Variants in GLCCI1 observed in about 807,000 individuals in gnomAD.
GLCCI1 encodes glucocorticoid-induced transcript 1 protein.
In GLCCI1, 24 loss-of-function variants were observed where a neutral mutation model predicts 52.2. The ratio of observed to expected loss-of-function variants is 0.46; its 90% CI spans 0.33 to 0.65. GLCCI1 has a LOEUF of 0.65. Among genes scored for constraint, GLCCI1 ranks in the 30% least tolerant of loss-of-function variants. GLCCI1 has a pLI of 0.02. For missense variants in GLCCI1, 704 were observed against 701.5 expected (o/e 1.00, Z -0.04); for synonymous variants, 310 against 276.5 (o/e 1.12, Z -1.20).
intron 3 of GLCCI1, among the ~76,000 whole-genome samples, chr7:8,039,109 T>A (rs1192549532): frequency 6.6e-6 from 1 of 151,846 alleles, no homozygotes; most frequent in Non-Finnish European, 1.5e-5. Flanking sequence ...CAAAAAAAAA[T>A]AGTTGTTGGT....
chr7:8,010,499 G>A (rs922747966), intron 2 of GLCCI1, among the ~76,000 whole-genome samples: 3 of 152,102 alleles, frequency 2.0e-5, no homozygotes, highest in African/African-American at 7.2e-5. Context: ...CTCAGTTCTT[G>A]CAGGGATGCT....
At chr7:8,069,544 G>A (rs550009101) in intron 5 of GLCCI1, among the ~76,000 whole-genome samples, 1 of 152,222 alleles carries the variant, frequency 6.6e-6, no homozygotes, top group South Asian at 2.1e-4. Context: ...TGAGCCGGGA[G>A]CCCCACCGGG....
rs1459608177 is a variant in GLCCI1, at chr7:8,088,667, A to G, written c.*2129A>G. On this transcript the variant is annotated 3_prime_UTR_variant, in exon 8 of 8. Transcript: ENST00000223145. The stretch of plus-strand genomic sequence containing the variant: ...ATAAAATGCAATAGTATCAATATCA[A>G]TTTCAGAAAAATGGACTGAATATGC... 6.6e-6 allele frequency: 1 copy of G among 152,646 alleles called. No homozygotes were observed. The highest frequency in any genetic ancestry group is 2.4e-5 in the African/African-American group (1 of 41,448). 9.5% of individuals were successfully genotyped at this position (152,646 alleles called of 1,614,324 possible).
At chr7:8,019,939 T>C (rs575841018) in intron 2 of GLCCI1, among the ~76,000 whole-genome samples, 2 of 152,330 alleles carry the variant, frequency 1.3e-5, no homozygotes, top group East Asian at 3.9e-4. Context: ...CGTAAACTAC[T>C]GTAGACTTTC....
chr7:8,083,379 T>C (rs1783038167), intron 6 of GLCCI1, among the ~76,000 whole-genome samples: 1 of 136,312 alleles, frequency 7.3e-6, no homozygotes. Flanking sequence ...TTTGGTTTTT[T>C]GTTTGTTTGT....
At chr7:8,072,889 T>C (rs1782794277) in intron 6 of GLCCI1, among the ~76,000 whole-genome samples, 2 of 152,130 alleles carry the variant, frequency 1.3e-5, no homozygotes. Flanking sequence ...ATTGAGAGGA[T>C]GGTAAATGAG....
rs73049292 is a variant in GLCCI1, at chr7:7,996,041, C to T, written c.458-7867C>T. Among the ~76,000 whole-genome samples the T allele has an allele frequency of 7.1e-3, 1,082 of 152,272 alleles. 5 individuals are homozygous for T. Among genetic ancestry groups the T allele is most frequent in the Non-Finnish European group, 0.011 (745 of 68,028 alleles). On this transcript the variant is annotated intron_variant, in intron 1 of 7. Transcript: ENST00000223145. ...TTGAGATGTAATAGTGAGCCTGTCTCATTTCATAAAAAATTTTCCAAGCTG... is the reference window on the plus strand; with the variant it reads ...TTGAGATGTAATAGTGAGCCTGTCTTATTTCATAAAAAATTTTCCAAGCTG...
intron 6 of GLCCI1, among the ~76,000 whole-genome samples, chr7:8,078,048 C>A (rs886482398): frequency 6.6e-6 from 1 of 151,960 alleles, no homozygotes; most frequent in African/African-American, 2.4e-5. Context: ...TCCTGGCTAA[C>A]ACGGTGAAAC....
At chr7:8,007,353 G>A (rs890427481) in intron 2 of GLCCI1, among the ~76,000 whole-genome samples, 3 of 152,004 alleles carry the variant, frequency 2.0e-5, no homozygotes, top group South Asian at 4.1e-4. Flanking sequence ...GTAGTACATC[G>A]TTATGTAATA....
In GLCCI1 at chr7:8,086,680, T is replaced by C. The variant is rs959650131; in HGVS notation, c.*142T>C. On this transcript the variant is annotated 3_prime_UTR_variant, in exon 8 of 8. Coordinates refer to ENST00000223145, the MANE Select transcript of GLCCI1 (RefSeq NM_138426.4). This position sits in a 1 kb window ranked among gnomAD's most constrained non-coding sequence, Gnocchi z 4.4. ...ATAAAGTATCTCTTAAACACTGATC[T>C]TGGCAGGGACGGAACTCCTATTCAG... 5.6e-6 allele frequency: 4 copies of C among 714,574 alleles called. No individual in the cohort carries two copies. In the East Asian group the frequency reaches 1.1e-4, roughly 19 times the overall value. 44.3% of individuals were successfully genotyped at this position (714,574 alleles called of 1,614,324 possible).
intron 6 of GLCCI1, among the ~76,000 whole-genome samples, chr7:8,075,096 C>G (rs1782848871): frequency 1.3e-5 from 2 of 152,076 alleles, no homozygotes; most frequent in Admixed American, 6.5e-5. Flanking sequence ...CATCTATTCG[C>G]TATGAATTAT....
At chr7:8,077,960 C>A (rs62435366) in intron 6 of GLCCI1, among the ~76,000 whole-genome samples, 5 of 152,152 alleles carry the variant, frequency 3.3e-5, no homozygotes, top group African/African-American at 1.2e-4. Flanking sequence ...TTAGGCCGGG[C>A]GCGGTGGCTC....
intron 2 of GLCCI1, among the ~76,000 whole-genome samples, chr7:8,006,977 T>C (rs752508029): frequency 6.6e-6 from 1 of 151,226 alleles, no homozygotes; most frequent in Non-Finnish European, 1.5e-5. Context: ...CTGCTGTTTG[T>C]TCAGGAAATT....
At chr7:8,049,697 A>C (rs1782215101) in intron 3 of GLCCI1, among the ~76,000 whole-genome samples, 1 of 152,218 alleles carries the variant, frequency 6.6e-6, no homozygotes, top group Admixed American at 6.5e-5. Flanking sequence ...GCATCAAGAA[A>C]GGAAGTTATG....
Position 7,975,785 on chromosome 7 carries a change from A to T in GLCCI1, c.457+5978A>T, listed in dbSNP as rs116385465. Among the ~76,000 whole-genome samples the T allele has an allele frequency of 8.7e-3, 1,315 of 151,970 alleles. 21 individuals carry two copies. Among genetic ancestry groups the T allele is most frequent in the African/African-American group, 0.029 (1,184 of 41,300 alleles). The stretch of plus-strand genomic sequence containing the variant: ...AAGAGACAGAGAGAATGTGTGTGTG[A>T]GAGAGAGAAATCCTTGTTTCTGAGA... On this transcript the variant is annotated intron_variant, in intron 1 of 7. Coordinates refer to ENST00000223145, the MANE Select transcript of GLCCI1 (RefSeq NM_138426.4).
At chr7:8,042,700 G>A (rs186512903) in intron 3 of GLCCI1, among the ~76,000 whole-genome samples, 71 of 152,312 alleles carry the variant, frequency 4.7e-4, no homozygotes, top group African/African-American at 1.7e-3. Flanking sequence ...AAATTTGCAT[G>A]AATGAGGAAT....
At chr7:7,999,594 G>C (rs967591736) in intron 1 of GLCCI1, among the ~76,000 whole-genome samples, 7 of 151,922 alleles carry the variant, frequency 4.6e-5, no homozygotes, top group African/African-American at 1.7e-4. Flanking sequence ...GCAGGTGACA[G>C]AGCAATACCC....
intron 1 of GLCCI1, among the ~76,000 whole-genome samples, chr7:7,978,304 C>G (rs1583940133): frequency 6.6e-6 from 1 of 152,086 alleles, no homozygotes; most frequent in Admixed American, 6.5e-5. Flanking sequence ...TATAAGGCTA[C>G]CTTCAGCCCC....
intron 2 of GLCCI1, among the ~76,000 whole-genome samples, chr7:8,009,357 T>C (rs1781215927): frequency 6.6e-6 from 1 of 152,228 alleles, no homozygotes; most frequent in Admixed American, 6.5e-5. Flanking sequence ...TGTTTGAATG[T>C]GTTTTTAAAT....
Sources: allele counts gnomAD v4.1 joint callset (sites outside exome capture counted in the v4.1 genomes callset), GRCh38; gene constraint gnomAD v4.1.1; non-coding constraint Gnocchi (gnomAD v3.1); transcripts MANE v1.5; gene names NCBI Gene and HGNC (gene_info 2026-07-23, HGNC 2026-07-21).